Variants in LURAP1L observed in about 807,000 individuals in gnomAD.
LURAP1L encodes the protein leucine rich adaptor protein 1 like.
LURAP1L carries 12 observed loss-of-function variants against 13.8 expected under a neutral mutation model. The ratio of observed to expected loss-of-function variants is 0.87; its 90% CI spans 0.56 to 1.41. The LOEUF is 1.41. Ranked by LOEUF, LURAP1L falls within the 40% of genes most tolerant of loss-of-function variation. The pLI, the probability that LURAP1L is intolerant of heterozygous loss-of-function variation, is 0.00. For synonymous variants in LURAP1L, 139 were observed against 119.2 expected, an observed-to-expected ratio of 1.17 and a Z score of -1.08; for missense variants, 375 against 292.9, an observed-to-expected ratio of 1.28 and a Z score of -2.04.
At chr9:12,789,635 A>G (rs1819412364) in intron 1 of LURAP1L, among the ~76,000 whole-genome samples, 2 of 152,180 alleles carry the variant, frequency 1.3e-5, no homozygotes, top group African/African-American at 2.4e-5. Flanking sequence ...GGCTAATGCT[A>G]TATGGACAGG....
rs1419538681 is a variant in LURAP1L, at chr9:12,788,481, AAAT to A, written c.312+12463_312+12465del. On this transcript the variant is annotated intron_variant, in intron 1 of 1. Coordinates refer to ENST00000319264, the MANE Select transcript of LURAP1L (RefSeq NM_203403.2). ...AACAATGTGGAAATTTATCCTATAGAAATAATAATAAATCGGTACAAAAATGTA... is the reference window on the plus strand; with the variant it reads ...AACAATGTGGAAATTTATCCTATAGAAATAATAAATCGGTACAAAAATGTA... 2.0e-5 allele frequency among the ~76,000 whole-genome samples: 3 copies of A among 152,316 alleles called. No homozygotes were observed. The East Asian group carries it at 5.8e-4, about 29-fold the overall frequency.
chr9:12,816,848 A>C (rs1442641456), intron 1 of LURAP1L, among the ~76,000 whole-genome samples: 1 of 152,218 alleles, frequency 6.6e-6, no homozygotes, highest in Non-Finnish European at 1.5e-5. Context: ...GTGAAGAGGA[A>C]AAGAGGAAAG....
chr9:12,790,801 G>C (rs1819430736), intron 1 of LURAP1L: 1 of 145,714 alleles, frequency 6.9e-6, no homozygotes, highest in Non-Finnish European at 1.5e-5. Flanking sequence ...GTTAGTTTTT[G>C]GCATCTTCTT....
At chr9:12,804,451 T>C (rs1819628623) in intron 1 of LURAP1L, among the ~76,000 whole-genome samples, 1 of 151,814 alleles carries the variant, frequency 6.6e-6, no homozygotes, top group African/African-American at 2.4e-5. Context: ...TTCGTGATTC[T>C]CTTACCTAAG....
rs1366781761 is a variant in LURAP1L at position 12,821,525 on chromosome 9, G to A, written c.452G>A (p.Ser151Asn). 4 of 1,614,154 alleles carry A rather than the reference G, an allele frequency of 2.5e-6. No individual in the cohort carries two copies. The highest frequency in any genetic ancestry group is 3.4e-6 in the Non-Finnish European group (4 of 1,180,024). ...AGCAGCCTCAGTGGCAGCCTGTGCA[G>A]TTTGTTGGAGAGTCAGAGCACCTCC... ...RGSSLSGSLC[S>N]LLESQSTSLR... Residue 151 changes from serine to asparagine, a missense_variant, in exon 2 of 2, where the codon AGT becomes AAT. By Grantham distance (46) the Ser-to-Asn change is conservative (BLOSUM62 1). Coordinates refer to ENST00000319264, the MANE Select transcript of LURAP1L (RefSeq NM_203403.2).
intron 1 of LURAP1L, among the ~76,000 whole-genome samples, chr9:12,776,272 CTG>C (rs990797733): frequency 1.3e-5 from 2 of 152,154 alleles, no homozygotes; most frequent in African/African-American, 4.8e-5. Flanking sequence ...TGGCTCCACT[CTG>C]TGTACTTTCG....
chr9:12,796,820 T>C (rs1280105030), intron 1 of LURAP1L, among the ~76,000 whole-genome samples: 3 of 151,952 alleles, frequency 2.0e-5, no homozygotes, highest in Non-Finnish European at 4.4e-5. Context: ...CTTCACTTTC[T>C]AGTTGTATGA....
intron 1 of LURAP1L, among the ~76,000 whole-genome samples, chr9:12,807,176 G>A (rs1311751549): frequency 7.0e-6 from 1 of 142,694 alleles, no homozygotes; most frequent in East Asian, 2.2e-4. Flanking sequence ...TGAAGCAGGA[G>A]AATGGCATGA....
chr9:12,777,342 G>A (rs41314571), intron 1 of LURAP1L: 28 of 985,328 alleles, frequency 2.8e-5, no homozygotes, highest in South Asian at 2.3e-4. Flanking sequence ...GCCTGATACC[G>A]TATCACAAAG....
intron 1 of LURAP1L, among the ~76,000 whole-genome samples, chr9:12,806,979 C>T (rs189229270): frequency 6.3e-4 from 89 of 142,058 alleles, no homozygotes; most frequent in African/African-American, 2.4e-3. Flanking sequence ...AACCATCGCG[C>T]CACTGCACTC....
At chr9:12,806,382 CT>C (rs765510542) in intron 1 of LURAP1L, among the ~76,000 whole-genome samples, 1,932 of 147,208 alleles carry the variant, frequency 0.013, 42 homozygotes, top group African/African-American at 0.044. Context: ...TTGAGATTAT[CT>C]TTTTTTTTTT....
intron 1 of LURAP1L, among the ~76,000 whole-genome samples, chr9:12,784,605 T>G (rs1317863175): frequency 6.6e-6 from 1 of 152,194 alleles, no homozygotes; most frequent in East Asian, 1.9e-4. Context: ...AGCACCTCTG[T>G]GGCCACCACT....
At chr9:12,820,818 AGATTT>A (rs1224513654) in intron 1 of LURAP1L, among the ~76,000 whole-genome samples, 4 of 152,096 alleles carry the variant, frequency 2.6e-5, no homozygotes, top group African/African-American at 4.8e-5. Context: ...TCTTTTCTAT[AGATTT>A]ATCTTTCTTC....
intron 1 of LURAP1L, among the ~76,000 whole-genome samples, chr9:12,802,111 T>G (rs1223187152): frequency 2.6e-5 from 4 of 152,106 alleles, no homozygotes; most frequent in Non-Finnish European, 4.4e-5. Context: ...TAGTTTTATC[T>G]AATTTCCCTA....
chr9:12,816,660 C>T (rs1404100053), intron 1 of LURAP1L, among the ~76,000 whole-genome samples: 2 of 152,170 alleles, frequency 1.3e-5, no homozygotes, highest in African/African-American at 4.8e-5. Context: ...CTTCAAGATT[C>T]CTCATTTCAA....
intron 1 of LURAP1L, among the ~76,000 whole-genome samples, chr9:12,789,121 T>G (rs1819405569): frequency 6.6e-6 from 1 of 150,918 alleles, no homozygotes; most frequent in Non-Finnish European, 1.5e-5. Context: ...GAAAAAATAT[T>G]GATAGATAAA....
chr9:12,787,008 AC>A (rs1819365302), intron 1 of LURAP1L, among the ~76,000 whole-genome samples: 1 of 152,152 alleles, frequency 6.6e-6, no homozygotes. Flanking sequence ...TAGTAAATTC[AC>A]AAAAAGATTT....
At position 12,821,897 on chromosome 9, in the gene LURAP1L, T is replaced by A; in HGVS notation, c.*137T>A. Reference sequence around the variant, plus strand: ...AGCTGATTTTGAAACTGCTTAATGGTATTGCTGTTGCTCCTAATACTTCTC... The same window carrying A: ...AGCTGATTTTGAAACTGCTTAATGGAATTGCTGTTGCTCCTAATACTTCTC... On this transcript the variant is annotated 3_prime_UTR_variant, in exon 2 of 2. Coordinates refer to ENST00000319264, the MANE Select transcript of LURAP1L (RefSeq NM_203403.2). 2.0e-6 allele frequency: 2 copies of A among 984,744 alleles called. No individual in the cohort carries two copies. The highest frequency in any genetic ancestry group is 3.0e-6 in the Non-Finnish European group (2 of 668,182). 61.0% of individuals were successfully genotyped at this position (984,744 alleles called of 1,614,324 possible).
chr9:12,789,203 T>C (rs1819406575), intron 1 of LURAP1L, among the ~76,000 whole-genome samples: 1 of 152,154 alleles, frequency 6.6e-6, no homozygotes, highest in African/African-American at 2.4e-5. Flanking sequence ...CACAACTCTG[T>C]GTTTTTCTAG....
Sources: gnomAD v4.1 joint callset for allele counts (sites outside exome capture counted in the v4.1 genomes callset) on GRCh38, gnomAD v4.1.1 for gene constraint, MANE v1.5 for transcripts, NCBI Gene and HGNC (gene_info 2026-07-23, HGNC 2026-07-21) for gene names.